Variants in NKAIN2 observed in about 807,000 individuals in gnomAD.
The protein encoded by NKAIN2 is sodium/potassium-transporting ATPase subunit beta-1-interacting protein 2.
A neutral mutation model predicts 32.6 loss-of-function variants in NKAIN2; 14 were observed. That is an observed-to-expected ratio of 0.43 (90% CI 0.28 to 0.67). The LOEUF (loss-of-function observed/expected upper bound fraction) is 0.67, where lower values mean the gene tolerates loss of function less well. Among genes scored for constraint, NKAIN2 ranks in the 30% least tolerant of loss-of-function variants. NKAIN2 has a pLI of 0.17. For missense variants in NKAIN2, 198 were observed against 258.3 expected (o/e 0.77, Z 1.60); for synonymous variants, 80 against 87.2 (o/e 0.92, Z 0.46).
At chr6:123,921,549 C>T (rs573786787) in intron 1 of NKAIN2, among the ~76,000 whole-genome samples, 2 of 152,206 alleles carry the variant, frequency 1.3e-5, no homozygotes, top group East Asian at 3.9e-4. Context: ...GTCCTGTAGT[C>T]CTGAAGTTGT....
intron 3 of NKAIN2, among the ~76,000 whole-genome samples, chr6:124,511,098 T>G (rs937491644): frequency 2.6e-5 from 4 of 152,122 alleles, no homozygotes; most frequent in Non-Finnish European, 5.9e-5. Context: ...AGCAGTAATA[T>G]GATTGAAAAA....
chr6:124,217,836 T>G (rs545074683), intron 1 of NKAIN2, among the ~76,000 whole-genome samples: 69 of 152,034 alleles, frequency 4.5e-4, no homozygotes, highest in African/African-American at 1.6e-3. Context: ...TAGAGAGAGA[T>G]ATAGATATAT....
intron 3 of NKAIN2, among the ~76,000 whole-genome samples, chr6:124,412,205 G>A (rs1396003310): frequency 6.6e-6 from 1 of 152,146 alleles, no homozygotes. Flanking sequence ...GTCCAGCTTT[G>A]TTCCATTGCT....
intron 1 of NKAIN2, among the ~76,000 whole-genome samples, chr6:123,906,686 C>T (rs188697090): frequency 6.6e-6 from 1 of 152,246 alleles, no homozygotes; most frequent in East Asian, 1.9e-4. Flanking sequence ...TTTATCATCT[C>T]CTGTAGTATC....
chr6:123,939,363 A>G (rs1776709589), intron 1 of NKAIN2, among the ~76,000 whole-genome samples: 1 of 151,992 alleles, frequency 6.6e-6, no homozygotes, highest in South Asian at 2.1e-4. Context: ...GAGATTTGTA[A>G]CACCAGTGGA....
rs144625861 is a variant in NKAIN2 at position 124,627,344 on chromosome 6, T to C, written c.274-30842T>C. ...ATGAGAAATGCATTTTTAAAACTAC[T>C]ACAAGAGGTGATAAAACAAATCAAG... On this transcript the variant is annotated intron_variant, in intron 3 of 6. Coordinates refer to ENST00000368417, the MANE Select transcript of NKAIN2 (RefSeq NM_001040214.3). 8.5e-5 allele frequency among the ~76,000 whole-genome samples: 13 copies of C among 152,230 alleles called. No homozygotes were observed. The East Asian group carries it at 2.5e-3, about 29-fold the overall frequency.
At chr6:124,490,415 T>A in intron 3 of NKAIN2, 1 of 405,022 alleles carries the variant, frequency 2.5e-6, no homozygotes, top group South Asian at 1.9e-5. Flanking sequence ...CATAGAGGTT[T>A]TTTTTTTTTT....
intron 3 of NKAIN2, among the ~76,000 whole-genome samples, chr6:124,444,466 G>C (rs1335306893): frequency 6.6e-6 from 1 of 151,946 alleles, no homozygotes; most frequent in Non-Finnish European, 1.5e-5. Context: ...CGTAATGGTT[G>C]TTGCTTTCAA....
At chr6:124,274,902 A>C (rs1794958163) in intron 1 of NKAIN2, among the ~76,000 whole-genome samples, 1 of 152,122 alleles carries the variant, frequency 6.6e-6, no homozygotes, top group Non-Finnish European at 1.5e-5. Context: ...ACACACACTC[A>C]CATACACATT....
intron 3 of NKAIN2, among the ~76,000 whole-genome samples, chr6:124,536,711 G>A (rs1008454427): frequency 2.6e-5 from 4 of 152,266 alleles, no homozygotes; most frequent in Non-Finnish European, 4.4e-5. Context: ...AATTACAGAT[G>A]ATCAGAACCT....
intron 3 of NKAIN2, among the ~76,000 whole-genome samples, chr6:124,531,190 C>G (rs1779512321): frequency 6.6e-6 from 1 of 152,168 alleles, no homozygotes; most frequent in Admixed American, 6.5e-5. Flanking sequence ...CTTCCAGTCT[C>G]TAGAACTGTG....
intron 1 of NKAIN2, among the ~76,000 whole-genome samples, chr6:124,125,681 C>T (rs1450528442): frequency 6.6e-6 from 1 of 152,188 alleles, no homozygotes; most frequent in Non-Finnish European, 1.5e-5. Flanking sequence ...CAGGCACTAA[C>T]AATTCAAGAG....
intron 3 of NKAIN2, among the ~76,000 whole-genome samples, chr6:124,641,553 TTTTTTTTTTTTTTTTTG>T (rs1364970669): frequency 5.3e-5 from 6 of 113,666 alleles, no homozygotes; most frequent in Admixed American, 8.9e-5. Context: ...TTTTTTTTTT[TTTTTTTTTTTTTTTTTG>T]AGACAGTGTC....
At chr6:123,824,370 G>A (rs1318617233) in intron 1 of NKAIN2, among the ~76,000 whole-genome samples, 1 of 152,064 alleles carries the variant, frequency 6.6e-6, no homozygotes, top group African/African-American at 2.4e-5. Flanking sequence ...GAGAGGACAA[G>A]GTGAAGAAAG....
At chr6:124,423,685 G>A (rs1774855084) in intron 3 of NKAIN2, among the ~76,000 whole-genome samples, 1 of 152,156 alleles carries the variant, frequency 6.6e-6, no homozygotes, top group African/African-American at 2.4e-5. Context: ...CTTATAAAAG[G>A]ATTTGAAAGA....
rs541983569 is a variant in NKAIN2, at chr6:124,028,230, A to G, written c.54+223976A>G. Among the ~76,000 whole-genome samples the G allele has an allele frequency of 6.6e-4, 100 of 152,246 alleles. 2 individuals carry two copies. Among genetic ancestry groups the G allele is most frequent in the Non-Finnish European group, 1.1e-3 (74 of 68,020 alleles). ...CTTTAAATCCTATTCTCTGAATGCC[A>G]GTAACAATGTTATTTTTCATGCAGT... On this transcript the variant is annotated intron_variant, in intron 1 of 6. Coordinates refer to ENST00000368417, the MANE Select transcript of NKAIN2 (RefSeq NM_001040214.3).
intron 3 of NKAIN2, among the ~76,000 whole-genome samples, chr6:124,613,917 C>A (rs747819281): frequency 2.0e-4 from 30 of 152,294 alleles, no homozygotes; most frequent in Non-Finnish European, 2.6e-4. Flanking sequence ...TTCACACTAG[C>A]TACCATTTCA....
intron 1 of NKAIN2, among the ~76,000 whole-genome samples, chr6:123,950,194 T>C (rs1372013175): frequency 2.0e-5 from 3 of 152,020 alleles, no homozygotes; most frequent in Non-Finnish European, 4.4e-5. Flanking sequence ...GGTTTGCTTG[T>C]ATTTTGTTGA....
chr6:124,299,052 A>G (rs553468031), intron 2 of NKAIN2, among the ~76,000 whole-genome samples: 1 of 152,330 alleles, frequency 6.6e-6, no homozygotes, highest in East Asian at 1.9e-4. Context: ...ATGGGAATTC[A>G]CTGCCCTGGC....
Sources: allele counts gnomAD v4.1 joint callset (sites outside exome capture counted in the v4.1 genomes callset), GRCh38; gene constraint gnomAD v4.1.1; transcripts MANE v1.5; gene names NCBI Gene and HGNC (gene_info 2026-07-23, HGNC 2026-07-21).